ATP11A: variants seen among roughly 807,000 people sequenced by gnomAD.
The protein encoded by ATP11A is phospholipid-transporting ATPase IH.
ATP11A carries 81 observed loss-of-function variants against 154.4 expected under a neutral mutation model. That is an observed-to-expected ratio of 0.52 (90% CI 0.44 to 0.63). The LOEUF is 0.63. Ranked by LOEUF, ATP11A falls within the 30% of genes least tolerant of loss-of-function variation. The probability of loss-of-function intolerance (pLI) is 0.00; values close to 1 mark genes in which losing one functional copy is unlikely to be tolerated. For synonymous variants in ATP11A, 623 were observed against 585.9 expected, an observed-to-expected ratio of 1.06 and a Z score of -0.91; for missense variants, 1,316 against 1,474.3, an observed-to-expected ratio of 0.89 and a Z score of 1.76.
At chr13:112,871,886 A>G in intron 26 of ATP11A, 86 bp downstream of exon 26, 2 of 1,388,548 alleles carry the variant, frequency 1.4e-6, no homozygotes, top group Non-Finnish European at 2.0e-6. Flanking sequence ...TCTCTGAATT[A>G]TAACTCTGTA....
At chr13:112,763,332 T>G (rs1438702398) in intron 1 of ATP11A, among the ~76,000 whole-genome samples, 1 of 151,992 alleles carries the variant, frequency 6.6e-6, no homozygotes, top group African/African-American at 2.4e-5. Flanking sequence ...CCCACCCTCC[T>G]CCCTTTGGAC....
intron 1 of ATP11A, among the ~76,000 whole-genome samples, chr13:112,721,995 C>T (rs1457587205): frequency 2.6e-5 from 4 of 152,096 alleles, no homozygotes; most frequent in African/African-American, 7.2e-5. Context: ...ACTTAAATAT[C>T]CTGGGGCCAC....
intron 2 of ATP11A, among the ~76,000 whole-genome samples, chr13:112,801,502 A>G (rs367704079): frequency 5.9e-5 from 9 of 152,390 alleles, no homozygotes; most frequent in East Asian, 5.8e-4. Flanking sequence ...GAATAAGACT[A>G]TCTTTGTTCA....
At chr13:112,734,884 C>T (rs1349811913) in intron 1 of ATP11A, among the ~76,000 whole-genome samples, 1 of 152,112 alleles carries the variant, frequency 6.6e-6, no homozygotes, top group Admixed American at 6.5e-5. Context: ...TTCCAGCAGG[C>T]CTTGTCAGCG....
chr13:112,848,137 T>C (rs1011782014), intron 17 of ATP11A, among the ~76,000 whole-genome samples: 7 of 152,190 alleles, frequency 4.6e-5, no homozygotes, highest in African/African-American at 1.7e-4. Context: ...CATTGGGATG[T>C]TGATAGGATT....
intron 2 of ATP11A, among the ~76,000 whole-genome samples, chr13:112,800,136 TAATC>T (rs1371603505): frequency 6.6e-6 from 1 of 151,304 alleles, no homozygotes; most frequent in South Asian, 2.1e-4. Flanking sequence ...AAAAAATTAA[TAATC>T]AACATTAGAA....
chr13:112,708,514 A>G (rs546194422), intron 1 of ATP11A, among the ~76,000 whole-genome samples: 27 of 152,376 alleles, frequency 1.8e-4, no homozygotes, highest in African/African-American at 6.3e-4. Context: ...TTTGTCAGGT[A>G]ATCTTCGCAG....
At chr13:112,816,824 A>G (rs768800246) in intron 6 of ATP11A, among the ~76,000 whole-genome samples, 5 of 152,346 alleles carry the variant, frequency 3.3e-5, no homozygotes, top group African/African-American at 7.2e-5. Context: ...ACCTGTGTCA[A>G]TTAGCTAATG....
intron 1 of ATP11A, among the ~76,000 whole-genome samples, chr13:112,784,331 T>C (rs987690392): frequency 2.0e-5 from 3 of 152,192 alleles, no homozygotes; most frequent in Admixed American, 1.3e-4. Context: ...GCATGTCTTA[T>C]GGAAAGCTGC....
chr13:112,709,640 A>T (rs1352608416), intron 1 of ATP11A, among the ~76,000 whole-genome samples: 2 of 152,254 alleles, frequency 1.3e-5, no homozygotes, highest in Admixed American at 6.5e-5. Context: ...CAACCAGAAG[A>T]TGTTTAAATT....
intron 1 of ATP11A, among the ~76,000 whole-genome samples, chr13:112,707,847 A>C (rs1286904605): frequency 2.0e-5 from 3 of 152,160 alleles, no homozygotes; most frequent in Non-Finnish European, 4.4e-5. Context: ...AACTTGCACC[A>C]AAAAAAGGTC....
At chr13:112,828,182 C>G (rs986616931) in intron 12 of ATP11A, among the ~76,000 whole-genome samples, 4 of 143,558 alleles carry the variant, frequency 2.8e-5, no homozygotes, top group African/African-American at 1.0e-4. Context: ...GGGAAAGCGC[C>G]CAGCAGCATT....
At position 112,854,347 on chromosome 13, in the gene ATP11A, C is replaced by A; in HGVS notation, c.2060C>A (p.Thr687Lys). 1 of 1,614,120 alleles carries A rather than the reference C, an allele frequency of 6.2e-7. No individual in the cohort carries two copies. The highest frequency in any genetic ancestry group is 8.5e-7 in the Non-Finnish European group (1 of 1,180,046). ...QKAGIKVWVL[T>K]GDKMETAAAT... ...GCCGGGATCAAAGTCTGGGTTCTCA[C>A]GGGAGACAAGATGGAGACGGCCGCG... is the stretch of plus-strand genomic sequence containing the variant. The change falls in exon 19 of 30, where the codon ACG (threonine) becomes AAG (lysine). Residue 687 changes from threonine to lysine, a missense_variant. Thr to Lys is a moderately conservative substitution (Grantham distance 78). Coordinates refer to ENST00000375645, the MANE Select transcript of ATP11A (RefSeq NM_015205.3).
intron 1 of ATP11A, among the ~76,000 whole-genome samples, chr13:112,712,589 C>A (rs928572279): frequency 3.3e-5 from 5 of 152,122 alleles, no homozygotes; most frequent in African/African-American, 1.2e-4. Flanking sequence ...GGGTGATGGT[C>A]CCGGCTGGTC....
At chr13:112,880,519 C>T (rs888371485) in intron 29 of ATP11A, 21 of 1,290,650 alleles carry the variant, frequency 1.6e-5, no homozygotes, top group African/African-American at 3.0e-5. Flanking sequence ...TGGCCCACGT[C>T]GCTCAGTATC....
intron 4 of ATP11A, among the ~76,000 whole-genome samples, chr13:112,808,356 C>T (rs551405899): frequency 2.9e-3 from 440 of 152,170 alleles, no homozygotes; most frequent in Non-Finnish European, 5.4e-3. Context: ...CACCAGCACC[C>T]CTGCCTCTGC....
At chr13:112,775,681 A>G (rs2077331048) in intron 1 of ATP11A, among the ~76,000 whole-genome samples, 1 of 151,972 alleles carries the variant, frequency 6.6e-6, no homozygotes, top group Non-Finnish European at 1.5e-5. Context: ...TCCTTACTCC[A>G]GTTTTCTGCA....
At chr13:112,869,042 C>T (rs1017494361) in intron 25 of ATP11A, among the ~76,000 whole-genome samples, 1 of 152,000 alleles carries the variant, frequency 6.6e-6, no homozygotes, top group East Asian at 1.9e-4. Context: ...ACCAGGCTCT[C>T]CCTCCAACAC....
At chr13:112,852,664 TTGG>T (rs1297677565) in intron 18 of ATP11A, among the ~76,000 whole-genome samples, 1 of 151,702 alleles carries the variant, frequency 6.6e-6, no homozygotes, top group Non-Finnish European at 1.5e-5. Context: ...TTTAGAGGCC[TTGG>T]TGGAGGAGCG....
Sources: allele counts gnomAD v4.1 joint callset (sites outside exome capture counted in the v4.1 genomes callset), GRCh38; gene constraint gnomAD v4.1.1; transcripts MANE v1.5; gene names NCBI Gene and HGNC (gene_info 2026-07-23, HGNC 2026-07-21).